The following KCNN3 variants were observed in gnomAD, a reference collection of about 807,000 sequenced individuals.
KCNN3 encodes the protein small conductance calcium-activated potassium channel protein 3.
A neutral mutation model predicts 62.9 loss-of-function variants in KCNN3; 16 were observed. The observed-to-expected ratio is 0.25, with a 90% CI of 0.17 to 0.39. The LOEUF (loss-of-function observed/expected upper bound fraction) is 0.39, where lower values mean the gene tolerates loss of function less well. Ranked by LOEUF, KCNN3 falls within the 10% of genes least tolerant of loss-of-function variation. The pLI is 1.00. For synonymous variants in KCNN3, 370 were observed against 389.2 expected (o/e 0.95, Z 0.58); for missense variants, 599 against 949.4 (o/e 0.63, Z 4.85).
chr1:154,715,676 A>G (rs1257436557), intron 5 of KCNN3, among the ~76,000 whole-genome samples: 1 of 149,080 alleles, frequency 6.7e-6, no homozygotes, highest in Non-Finnish European at 1.5e-5. Context: ...TGCTGATGCT[A>G]TATTTAGACA....
chr1:154,733,309 G>A (rs1404877655), intron 3 of KCNN3, among the ~76,000 whole-genome samples, 165 bp from the exon 4 acceptor site: 1 of 152,168 alleles, frequency 6.6e-6, no homozygotes, highest in Non-Finnish European at 1.5e-5. Context: ...GGCTGCAACT[G>A]TGCCCACCCA....
In KCNN3 at chr1:154,726,044, G is replaced by C; in HGVS notation, c.1591-18C>G. 1 of 1,573,356 alleles carries C rather than the reference G, an allele frequency of 6.4e-7. No homozygotes were observed. The highest frequency in any genetic ancestry group is 8.7e-7 in the Non-Finnish European group (1 of 1,143,930). ...CCTGCACCCTGCGGGGGGACATCAAGAGGACCAGAGGGGAAAGAACATATC... is the reference window on the plus strand; with the variant it reads ...CCTGCACCCTGCGGGGGGACATCAACAGGACCAGAGGGGAAAGAACATATC... On this transcript the variant is annotated intron_variant, in intron 4 of 7. Transcript: ENST00000271915.
intron 2 of KCNN3, among the ~76,000 whole-genome samples, chr1:154,792,101 C>A (rs748718313): frequency 3.3e-5 from 5 of 152,146 alleles, no homozygotes; most frequent in Admixed American, 3.3e-4. Context: ...GAGCATAAAT[C>A]CTGTTGCCAT....
rs545110961 is a variant in KCNN3 at position 154,809,736 on chromosome 1, A to G, written c.1029+12353T>C. Among the ~76,000 whole-genome samples, 1 of 152,228 alleles carries G rather than the reference A, an allele frequency of 6.6e-6. No homozygotes were observed. Among genetic ancestry groups the G allele is most frequent in the Non-Finnish European group, 1.5e-5 (1 of 68,038 alleles). On this transcript the variant is annotated intron_variant, in intron 2 of 7. Transcript: ENST00000271915. This position sits in a 1 kb window ranked among gnomAD's most constrained non-coding sequence, Gnocchi z 4.3. Reference sequence around the variant, plus strand: ...CGTAACAGAAGAAAATGAAAGGTACAGTTCTCACCTAAAAAGCCAACGGTA... The same window carrying G: ...CGTAACAGAAGAAAATGAAAGGTACGGTTCTCACCTAAAAAGCCAACGGTA...
chr1:154,858,883 G>A (rs1652642826), intron 1 of KCNN3, among the ~76,000 whole-genome samples: 4 of 152,152 alleles, frequency 2.6e-5, no homozygotes, highest in Admixed American at 2.0e-4. Flanking sequence ...GGGCCTTGGG[G>A]TCCTATAAGG....
At position 154,845,444 on chromosome 1, in the gene KCNN3, T is replaced by A. The variant is rs551571793; in HGVS notation, c.934-23260A>T. ...CCAAATGGAACCAGATGCACCTGCATTTGGGAGCAGATCAGGGAGAGTGAC... is the reference window on the plus strand; with the variant it reads ...CCAAATGGAACCAGATGCACCTGCAATTGGGAGCAGATCAGGGAGAGTGAC... On this transcript the variant is annotated intron_variant, in intron 1 of 7. Coordinates refer to ENST00000271915, the MANE Select transcript of KCNN3 (RefSeq NM_002249.6). Among the ~76,000 whole-genome samples, 7 of 152,260 alleles carry A rather than the reference T, an allele frequency of 4.6e-5. No individual in the cohort carries two copies. In the South Asian group the frequency reaches 1.2e-3, roughly 27 times the overall value.
intron 2 of KCNN3, among the ~76,000 whole-genome samples, chr1:154,788,594 G>T (rs1177972771): frequency 2.0e-5 from 3 of 152,098 alleles, no homozygotes; most frequent in African/African-American, 7.2e-5. Flanking sequence ...TTTTCATGAA[G>T]ATTACCATAG....
intron 1 of KCNN3, among the ~76,000 whole-genome samples, chr1:154,836,491 C>T (rs1424279245): frequency 6.6e-6 from 1 of 152,246 alleles, no homozygotes; most frequent in East Asian, 1.9e-4. Context: ...ACCCCACTTG[C>T]CAGGGCAGAG....
intron 1 of KCNN3, among the ~76,000 whole-genome samples, chr1:154,839,219 G>T (rs568203156): frequency 2.6e-4 from 39 of 152,232 alleles, no homozygotes; most frequent in African/African-American, 9.1e-4. Flanking sequence ...CGAGTGACCT[G>T]CGATCTGCAG....
At chr1:154,854,931 A>AC (rs752196358) in intron 1 of KCNN3, among the ~76,000 whole-genome samples, 12 of 152,144 alleles carry the variant, frequency 7.9e-5, no homozygotes, top group Non-Finnish European at 1.6e-4. Flanking sequence ...TAAAGTGAAA[A>AC]ATTTGGCCAA....
At position 154,772,463 on chromosome 1, in the gene KCNN3, G is replaced by A; in HGVS notation, c.1030-70C>T. On this transcript the variant is annotated intron_variant, in intron 2 of 7. Transcript: ENST00000271915. This position sits in a 1 kb window ranked among gnomAD's most constrained non-coding sequence, Gnocchi z 5.6. Reference sequence around the variant, plus strand: ...CCCACAGCAGGGTCCAGGCAGGACAGGTGGGGCAGGCTGGGGCAGGCTGCT... The same window carrying A: ...CCCACAGCAGGGTCCAGGCAGGACAAGTGGGGCAGGCTGGGGCAGGCTGCT... 1 of 1,512,972 alleles carries A rather than the reference G, an allele frequency of 6.6e-7. No homozygotes were observed. Among genetic ancestry groups the A allele is most frequent in the Admixed American group, 1.8e-5 (1 of 56,664 alleles). The allele number at this position is 1,512,972 out of a possible 1,614,324, so 93.7% of individuals were successfully genotyped here. A position where few individuals can be genotyped will look rare whatever the true frequency, so the allele number is the denominator to read the frequency against.
chr1:154,723,882 C>G (rs1557943016), intron 5 of KCNN3, among the ~76,000 whole-genome samples: 1 of 152,208 alleles, frequency 6.6e-6, no homozygotes. Context: ...TTCCTCAATA[C>G]TGAGCATGAC....
intron 1 of KCNN3, among the ~76,000 whole-genome samples, chr1:154,842,336 C>T (rs13376345): frequency 0.32 from 47,882 of 151,966 alleles, 7,951 homozygotes; most frequent in African/African-American, 0.37. Flanking sequence ...AGAGCCCTGG[C>T]TCTCAGAGCT....
At chr1:154,807,270 T>C (rs890929799) in intron 2 of KCNN3, among the ~76,000 whole-genome samples, 2 of 151,928 alleles carry the variant, frequency 1.3e-5, no homozygotes, top group African/African-American at 4.8e-5. Context: ...GAGGAAAAAA[T>C]GTCCCCTGGT....
At chr1:154,803,103 T>C (rs1283914503) in intron 2 of KCNN3, among the ~76,000 whole-genome samples, 1 of 152,126 alleles carries the variant, frequency 6.6e-6, no homozygotes, top group South Asian at 2.1e-4. Context: ...TGTACTGGAC[T>C]TCAGACTGTG....
At chr1:154,807,519 T>C (rs1222459092) in intron 2 of KCNN3, among the ~76,000 whole-genome samples, 1 of 152,092 alleles carries the variant, frequency 6.6e-6, no homozygotes, top group East Asian at 1.9e-4. Context: ...ATGGTGGCGG[T>C]TTCCAGCCAC....
intron 3 of KCNN3, among the ~76,000 whole-genome samples, chr1:154,746,983 C>T (rs955377336): frequency 9.9e-5 from 15 of 152,146 alleles, no homozygotes; most frequent in Admixed American, 1.3e-4. Flanking sequence ...AACCGATCCC[C>T]AACTCTGCTC....
chr1:154,811,788 G>C (rs1440083390), intron 2 of KCNN3, among the ~76,000 whole-genome samples: 1 of 152,144 alleles, frequency 6.6e-6, no homozygotes, highest in Non-Finnish European at 1.5e-5. Context: ...GAATTTTCTT[G>C]ATAGCACAAT....
At position 154,869,884 on chromosome 1, in the gene KCNN3, C is replaced by T. The variant is rs1264279183; in HGVS notation, c.81G>A (p.Gly27=). Residue 27 remains glycine (G), a synonymous_variant, in exon 1 of 8, where the codon GGG becomes GGA. Coordinates refer to ENST00000271915, the MANE Select transcript of KCNN3 (RefSeq NM_002249.6). This position sits in a 1 kb window ranked among gnomAD's most constrained non-coding sequence, Gnocchi z 6.1. ...GCTGCTGCTGCTGCTGCTGCTCATC[C>T]CCAGAGGATGGACAGGGGCACTTGG... ...EDPKCPCPSS[G]DEQQQQQQQQ... is the part of the protein sequence containing the mutation. The T allele has an allele frequency of 6.2e-7, 1 of 1,605,960 alleles. No homozygotes were observed. The highest frequency in any genetic ancestry group is 1.3e-5 in the African/African-American group (1 of 74,784).
Sources: gnomAD v4.1 joint callset for allele counts (sites outside exome capture counted in the v4.1 genomes callset) on GRCh38, gnomAD v4.1.1 for gene constraint, Gnocchi (gnomAD v3.1) non-coding constraint, MANE v1.5 for transcripts, NCBI Gene and HGNC (gene_info 2026-07-23, HGNC 2026-07-21) for gene names.